Variants in MRAP2 observed in about 807,000 individuals in gnomAD.
MRAP2 encodes the protein melanocortin-2 receptor accessory protein 2.
A neutral mutation model predicts 17.4 loss-of-function variants in MRAP2; 20 were observed. The ratio of observed to expected loss-of-function variants is 1.15; its 90% CI spans 0.81 to 1.67. MRAP2 has a LOEUF of 1.67. Ranked by LOEUF, MRAP2 falls within the 40% of genes most tolerant of loss-of-function variation. The pLI is 0.00. For missense variants in MRAP2, 238 were observed against 240.0 expected (o/e 0.99, Z 0.05); for synonymous variants, 96 against 88.4 (o/e 1.09, Z -0.48).
chr6:84,128,642 C>T, the MRAP2 span, among the ~76,000 whole-genome samples: 1 of 151,910 alleles, frequency 6.6e-6, no homozygotes, highest in African/African-American at 2.4e-5. Context: ...TGATGAGAAT[C>T]AAATAAAATA....
At chr6:84,044,966 CT>C (rs2099488601) in intron 1 of MRAP2, among the ~76,000 whole-genome samples, 2 of 152,152 alleles carry the variant, frequency 1.3e-5, no homozygotes, top group South Asian at 2.1e-4. Context: ...CATGCACAGA[CT>C]TTTTTTCCTT....
chr6:84,049,197 G>A, intron 1 of MRAP2, among the ~76,000 whole-genome samples: 1 of 152,192 alleles, frequency 6.6e-6, no homozygotes, highest in South Asian at 2.1e-4. Context: ...GGCAGAGGCA[G>A]TCGGATCGCC....
the MRAP2 span, among the ~76,000 whole-genome samples, chr6:84,118,279 C>T: frequency 0.027 from 4,118 of 151,926 alleles, 171 homozygotes; most frequent in African/African-American, 0.092. Context: ...CACAAAACAG[C>T]CATGCTGTGC....
chr6:84,106,275 G>A, the MRAP2 span, among the ~76,000 whole-genome samples: 2 of 152,316 alleles, frequency 1.3e-5, no homozygotes, highest in East Asian at 3.9e-4. Flanking sequence ...CTGTGGATAA[G>A]GCATTCTATA....
At chr6:84,125,174 G>A in the MRAP2 span, 9 of 1,613,442 alleles carry the variant, frequency 5.6e-6, no homozygotes, top group South Asian at 3.3e-5. Flanking sequence ...AGTTCTGTGC[G>A]GAACTTCTCC....
chr6:84,064,834 T>C (rs889727291), intron 3 of MRAP2, among the ~76,000 whole-genome samples: 3 of 152,140 alleles, frequency 2.0e-5, no homozygotes, highest in Non-Finnish European at 4.4e-5. Context: ...CCTCACAGCC[T>C]GGCAGCAGCT....
chr6:84,049,199 C>A (rs531317782), intron 1 of MRAP2, among the ~76,000 whole-genome samples: 1 of 152,084 alleles, frequency 6.6e-6, no homozygotes, highest in Non-Finnish European at 1.5e-5. Flanking sequence ...CAGAGGCAGT[C>A]GGATCGCCTG....
At chr6:84,138,270 T>C in the MRAP2 span, among the ~76,000 whole-genome samples, 1 of 152,228 alleles carries the variant, frequency 6.6e-6, no homozygotes, top group Non-Finnish European at 1.5e-5. Flanking sequence ...TTTCAGACAC[T>C]GGATAACAGC....
chr6:84,089,378 C>T lies in MRAP2; in HGVS notation c.515C>T (p.Thr172Ile), dbSNP rs1225424011. 1 of 1,614,094 alleles carries T rather than the reference C, an allele frequency of 6.2e-7. No individual in the cohort carries two copies. The highest frequency in any genetic ancestry group is 1.3e-5 in the African/African-American group (1 of 74,932). The change falls in exon 4 of 4, where the codon ACA (threonine) becomes ATA (isoleucine). Residue 172 changes from threonine to isoleucine, a missense_variant. Transcript: ENST00000257776. ...MKFDIPNFVN[T>I]DQNYFGEDDL... is the part of the protein sequence containing the mutation. ...TTTGACATCCCCAACTTTGTGAACACAGACCAGAACTACTTTGGGGAGGAT... is the reference window on the plus strand; with the variant it reads ...TTTGACATCCCCAACTTTGTGAACATAGACCAGAACTACTTTGGGGAGGAT...
chr6:84,100,763 A>G, the MRAP2 span, among the ~76,000 whole-genome samples: 1 of 152,162 alleles, frequency 6.6e-6, no homozygotes, highest in Non-Finnish European at 1.5e-5. Context: ...CTATATGTAC[A>G]TGTCTGATCT....
downstream of MRAP2, among the ~76,000 whole-genome samples, chr6:84,091,191 T>C (rs1349971829): frequency 6.6e-6 from 1 of 152,052 alleles, no homozygotes; most frequent in Non-Finnish European, 1.5e-5. Context: ...TTTTCATGAA[T>C]TTTTTATGCA....
At chr6:84,064,696 C>T (rs949910431) in intron 3 of MRAP2, among the ~76,000 whole-genome samples, 3 of 152,144 alleles carry the variant, frequency 2.0e-5, no homozygotes, top group Admixed American at 6.5e-5. Flanking sequence ...ACCATGTTAG[C>T]CAGGATGGTC....
chr6:84,099,181 C>CTTTTTTTTT, the MRAP2 span, among the ~76,000 whole-genome samples: 1 of 117,394 alleles, frequency 8.5e-6, no homozygotes, highest in African/African-American at 3.1e-5. Context: ...AGATCCTTTT[C>CTTTTTTTTT]TTTTTTTTTT....
intron 1 of MRAP2, among the ~76,000 whole-genome samples, chr6:84,038,056 G>A (rs945723252): frequency 6.6e-6 from 1 of 152,208 alleles, no homozygotes; most frequent in African/African-American, 2.4e-5. Flanking sequence ...GCTCACACAG[G>A]GGCCTAGGTG....
At chr6:84,068,653 G>A (rs535485400) in intron 3 of MRAP2, among the ~76,000 whole-genome samples, 3 of 151,250 alleles carry the variant, frequency 2.0e-5, no homozygotes, top group East Asian at 1.9e-4. Flanking sequence ...GTTTTTTTGT[G>A]TGTGTTTTTT....
At chr6:84,073,223 G>T (rs1247580005) in intron 3 of MRAP2, among the ~76,000 whole-genome samples, 2 of 152,156 alleles carry the variant, frequency 1.3e-5, no homozygotes, top group East Asian at 1.9e-4. Context: ...GGCAGGAATG[G>T]CCTGCTTGTG....
the MRAP2 span, among the ~76,000 whole-genome samples, chr6:84,109,439 A>G: frequency 6.6e-6 from 1 of 151,830 alleles, no homozygotes; most frequent in Non-Finnish European, 1.5e-5. Context: ...GCAGTTGTGA[A>G]TGAAAGTTCA....
intron 1 of MRAP2, among the ~76,000 whole-genome samples, chr6:84,053,462 A>C (rs1426303122): frequency 3.3e-5 from 5 of 152,142 alleles, no homozygotes; most frequent in South Asian, 2.1e-4. Flanking sequence ...ATTTTTTGTC[A>C]TAGTTTTATT....
the MRAP2 span, among the ~76,000 whole-genome samples, chr6:84,136,403 G>A: frequency 1.3e-5 from 2 of 152,150 alleles, no homozygotes; most frequent in African/African-American, 4.8e-5. Context: ...AGACAGAGAG[G>A]GAATGAGAAC....
Sources: gnomAD v4.1 joint callset for allele counts (sites outside exome capture counted in the v4.1 genomes callset) on GRCh38, gnomAD v4.1.1 for gene constraint, MANE v1.5 for transcripts, NCBI Gene and HGNC (gene_info 2026-07-23, HGNC 2026-07-21) for gene names.